GPATCH2: variants seen among roughly 807,000 people sequenced by gnomAD.
GPATCH2 encodes the protein G-patch domain containing 2.
A neutral mutation model predicts 58.0 loss-of-function variants in GPATCH2; 51 were observed. The observed-to-expected ratio is 0.88, with a 90% CI of 0.70 to 1.11. The LOEUF (loss-of-function observed/expected upper bound fraction) is 1.11, where lower values mean the gene tolerates loss of function less well. GPATCH2 is among the 50% of genes most tolerant of loss of function. The pLI is 0.00. For missense variants in GPATCH2, 625 were observed against 652.2 expected (o/e 0.96, Z 0.45); for synonymous variants, 222 against 218.5 (o/e 1.02, Z -0.14).
intron 5 of GPATCH2, among the ~76,000 whole-genome samples, chr1:217,585,389 G>A (rs779396409): frequency 3.9e-5 from 6 of 152,132 alleles, no homozygotes; most frequent in East Asian, 3.8e-4. Flanking sequence ...TTGGGAGGCC[G>A]AGGCAGGCAA....
chr1:217,470,555 A>T (rs1270112716), intron 8 of GPATCH2, among the ~76,000 whole-genome samples: 1 of 152,194 alleles, frequency 6.6e-6, no homozygotes, highest in Non-Finnish European at 1.5e-5. Flanking sequence ...ATTTTATTTC[A>T]TATAATGACA....
At chr1:217,545,614 C>A (rs931989793) in intron 5 of GPATCH2, among the ~76,000 whole-genome samples, 1 of 152,060 alleles carries the variant, frequency 6.6e-6, no homozygotes, top group Non-Finnish European at 1.5e-5. Context: ...GTCTACAGAC[C>A]TTTCTCTTGA....
chr1:217,514,778 G>T, intron 6 of GPATCH2, 44 bp downstream of exon 6: 1 of 871,090 alleles, frequency 1.1e-6, no homozygotes, highest in Non-Finnish European at 2.0e-6. Context: ...AAAGAGCTAA[G>T]TAGAATACTC....
intron 3 of GPATCH2, among the ~76,000 whole-genome samples, chr1:217,613,308 GA>G (rs1323722877): frequency 1.3e-5 from 2 of 151,736 alleles, no homozygotes; most frequent in Non-Finnish European, 2.9e-5. Context: ...AACAGACTAA[GA>G]AAAAAAGTAT....
chr1:217,564,047 A>G (rs1040808119), intron 5 of GPATCH2, among the ~76,000 whole-genome samples: 29 of 16,208 alleles, frequency 1.8e-3, no homozygotes, highest in South Asian at 9.6e-3. Flanking sequence ...TCCGTCTCGA[A>G]AAAAAAAAAA....
At chr1:217,554,370 G>A (rs1179606724) in intron 5 of GPATCH2, among the ~76,000 whole-genome samples, 1 of 152,180 alleles carries the variant, frequency 6.6e-6, no homozygotes, top group African/African-American at 2.4e-5. Context: ...GCAGCATGTA[G>A]TATGAAATAG....
intron 8 of GPATCH2, among the ~76,000 whole-genome samples, chr1:217,461,342 C>G (rs1042872608): frequency 1.3e-5 from 2 of 152,138 alleles, no homozygotes; most frequent in African/African-American, 4.8e-5. Flanking sequence ...TTCTGATACC[C>G]ATTGCCAGAA....
intron 8 of GPATCH2, among the ~76,000 whole-genome samples, chr1:217,467,540 G>C (rs1339035565): frequency 6.6e-6 from 1 of 152,104 alleles, no homozygotes; most frequent in Non-Finnish European, 1.5e-5. Context: ...ATTGCTGTCT[G>C]TGTATGGTGG....
intron 9 of GPATCH2, among the ~76,000 whole-genome samples, chr1:217,433,211 G>A (rs1658627932): frequency 6.6e-6 from 1 of 151,874 alleles, no homozygotes; most frequent in African/African-American, 2.4e-5. Context: ...CAGAATGGTG[G>A]TACCAGCAGA....
intron 8 of GPATCH2, among the ~76,000 whole-genome samples, chr1:217,466,231 T>A: frequency 6.6e-6 from 1 of 151,994 alleles, no homozygotes; most frequent in East Asian, 1.9e-4. Context: ...AAAAATATAT[T>A]TACGTATAGA....
intron 7 of GPATCH2, among the ~76,000 whole-genome samples, chr1:217,495,934 TGA>T (rs1289060696): frequency 6.6e-6 from 1 of 151,352 alleles, no homozygotes; most frequent in African/African-American, 2.4e-5. Flanking sequence ...GAGAAAGGAG[TGA>T]GAGATGGGAT....
chr1:217,603,619 T>C (rs1342816823), intron 5 of GPATCH2, among the ~76,000 whole-genome samples: 1 of 152,078 alleles, frequency 6.6e-6, no homozygotes, highest in Non-Finnish European at 1.5e-5. Context: ...TATTTATTTA[T>C]TTATTTATTT....
chr1:217,568,412 G>A (rs375769790), intron 5 of GPATCH2, among the ~76,000 whole-genome samples: 3 of 152,074 alleles, frequency 2.0e-5, no homozygotes, highest in South Asian at 2.1e-4. Context: ...CTGCTTTCAC[G>A]GAGCCTATAT....
chr1:217,613,325 G>T (rs1426246825), intron 3 of GPATCH2, among the ~76,000 whole-genome samples: 1 of 151,922 alleles, frequency 6.6e-6, no homozygotes. Context: ...AGTATAGGAG[G>T]CTACTTTGTC....
intron 8 of GPATCH2, among the ~76,000 whole-genome samples, chr1:217,471,822 A>G (rs1421766426): frequency 6.6e-6 from 1 of 152,206 alleles, no homozygotes; most frequent in Non-Finnish European, 1.5e-5. Context: ...TATGTCACAT[A>G]GAATCCATGG....
At chr1:217,509,956 A>G (rs571160164) in intron 6 of GPATCH2, among the ~76,000 whole-genome samples, 1 of 152,352 alleles carries the variant, frequency 6.6e-6, no homozygotes, top group South Asian at 2.1e-4. Context: ...AACACCAATG[A>G]TTCCTTAAAG....
intron 1 of GPATCH2, among the ~76,000 whole-genome samples, chr1:217,622,008 G>C (rs1669213809): frequency 6.6e-6 from 1 of 152,158 alleles, no homozygotes. Context: ...GTGGAGACAG[G>C]ATTCAAACTC....
At chr1:217,594,508 A>G (rs1455700783) in intron 5 of GPATCH2, among the ~76,000 whole-genome samples, 5 of 152,136 alleles carry the variant, frequency 3.3e-5, no homozygotes, top group African/African-American at 1.2e-4. Flanking sequence ...ACTTTGAGAT[A>G]TATCAAAGTA....
chr1:217,541,050 C>G (rs1405553110), intron 5 of GPATCH2, among the ~76,000 whole-genome samples: 1 of 152,172 alleles, frequency 6.6e-6, no homozygotes, highest in African/African-American at 2.4e-5. Context: ...GCCAAACAGC[C>G]AGGAATTTTA....
Sources: gnomAD v4.1 joint callset for allele counts (sites outside exome capture counted in the v4.1 genomes callset) on GRCh38, gnomAD v4.1.1 for gene constraint, MANE v1.5 for transcripts, NCBI Gene and HGNC (gene_info 2026-07-23, HGNC 2026-07-21) for gene names.